Variants in RSPO2 observed in about 807,000 individuals in gnomAD.
RSPO2 encodes R-spondin 2.
Under a neutral mutation model 30.9 loss-of-function variants are expected in RSPO2, and 14 were observed. The ratio of observed to expected loss-of-function variants is 0.45; its 90% confidence interval spans 0.30 to 0.71. The LOEUF (loss-of-function observed/expected upper bound fraction) is 0.71. Ranked by LOEUF, RSPO2 falls within the 30% of genes least tolerant of loss-of-function variation. The pLI, the probability that RSPO2 is intolerant of heterozygous loss-of-function variation, is 0.08. For missense variants in RSPO2, 264 were observed against 301.9 expected (o/e 0.87, Z 0.93); for synonymous variants, 107 against 96.4 (o/e 1.11, Z -0.64).
chr8:107,939,588 G>A (rs554490905), intron 5 of RSPO2, among the ~76,000 whole-genome samples: 18 of 150,392 alleles, frequency 1.2e-4, no homozygotes, highest in Non-Finnish European at 2.2e-4. Context: ...AGCACAGCTC[G>A]AATTGCTGAG....
chr8:107,945,607 C>T (rs922322245), intron 5 of RSPO2, among the ~76,000 whole-genome samples: 3 of 152,134 alleles, frequency 2.0e-5, no homozygotes, highest in African/African-American at 7.2e-5. Flanking sequence ...GTAACACATG[C>T]ATTGTTTCAA....
chr8:107,924,227 A>C (rs191577383), intron 5 of RSPO2, among the ~76,000 whole-genome samples: 4 of 152,250 alleles, frequency 2.6e-5, no homozygotes, highest in African/African-American at 9.6e-5. Flanking sequence ...AATCGGCCAC[A>C]GAAATAAATT....
At chr8:107,937,432 C>T (rs1043554155) in intron 5 of RSPO2, among the ~76,000 whole-genome samples, 7 of 151,948 alleles carry the variant, frequency 4.6e-5, no homozygotes, top group Admixed American at 6.6e-5. Context: ...TTAAACCTCA[C>T]GAGCCTGCAA....
At chr8:108,000,718 A>G (rs1815213673) in intron 2 of RSPO2, among the ~76,000 whole-genome samples, 3 of 151,918 alleles carry the variant, frequency 2.0e-5, no homozygotes, top group East Asian at 3.9e-4. Flanking sequence ...TCTCCAGGGA[A>G]CTCCCGGGCA....
intron 2 of RSPO2, among the ~76,000 whole-genome samples, chr8:108,032,977 G>C (rs1362481189): frequency 1.4e-5 from 2 of 148,102 alleles, no homozygotes; most frequent in African/African-American, 2.5e-5. Context: ...ATGAACCCGG[G>C]AGGCGAAGCT....
intron 2 of RSPO2, among the ~76,000 whole-genome samples, chr8:108,034,566 A>G (rs992150031): frequency 1.1e-4 from 16 of 152,238 alleles, no homozygotes; most frequent in African/African-American, 3.4e-4. Context: ...AAAACATTGA[A>G]TCTGAGTTAT....
intron 2 of RSPO2, among the ~76,000 whole-genome samples, chr8:108,022,470 G>A (rs1811086517): frequency 6.6e-6 from 1 of 151,970 alleles, no homozygotes; most frequent in South Asian, 2.1e-4. Context: ...GTGTGTATAG[G>A]TATAAACACA....
chr8:107,961,648 C>T (rs1223520927), intron 3 of RSPO2, among the ~76,000 whole-genome samples: 1 of 152,158 alleles, frequency 6.6e-6, no homozygotes, highest in African/African-American at 2.4e-5. Flanking sequence ...AGCTCTGTAA[C>T]TTTAGACAAC....
chr8:108,025,201 G>C (rs937504482), intron 2 of RSPO2, among the ~76,000 whole-genome samples: 7 of 152,170 alleles, frequency 4.6e-5, no homozygotes, highest in Non-Finnish European at 1.0e-4. Context: ...CAACAGTAAT[G>C]AGCATATCCA....
rs1051790705 is a variant in RSPO2 at position 108,068,969 on chromosome 8, T to A, written c.94+13576A>T. Among the ~76,000 whole-genome samples the A allele has an allele frequency of 2.6e-5, 4 of 152,342 alleles. No homozygotes were observed. In the East Asian group the frequency reaches 5.8e-4, roughly 22 times the overall value. On this transcript the variant is annotated intron_variant, in intron 2 of 5. Transcript: ENST00000276659. ...GCAGTCCTAGGAAATTAATACTGTA[T>A]AATAATGTGTGCTGCCAATGCATTT... is the stretch of plus-strand genomic sequence containing the variant.
intron 5 of RSPO2, among the ~76,000 whole-genome samples, chr8:107,901,687 T>C (rs1453743218): frequency 6.6e-6 from 1 of 152,240 alleles, no homozygotes; most frequent in East Asian, 1.9e-4. Flanking sequence ...CAAATACCAA[T>C]GTATAAAATG....
rs1052966867 is a variant in RSPO2, at chr8:107,900,374, G to A, written c.*701C>T. On this transcript the variant is annotated 3_prime_UTR_variant, in exon 6 of 6. Coordinates refer to ENST00000276659, the MANE Select transcript of RSPO2 (RefSeq NM_178565.5). Reference sequence around the variant, plus strand: ...AAAGTTTCAAGAGGCAACAAAACAAGTGTCAATTCCCCAAACTAGAAAAGT... The same window carrying A: ...AAAGTTTCAAGAGGCAACAAAACAAATGTCAATTCCCCAAACTAGAAAAGT... 5 of 152,272 alleles carry A rather than the reference G, an allele frequency of 3.3e-5. No homozygotes were observed. The highest frequency in any genetic ancestry group is 4.4e-5 in the Non-Finnish European group (3 of 68,010). The allele number at this position is 152,272 out of a possible 1,614,324, so 9.4% of individuals were successfully genotyped here.
chr8:107,978,922 A>T (rs74974549), intron 3 of RSPO2, among the ~76,000 whole-genome samples: 53,814 of 151,776 alleles, frequency 0.35, 11,267 homozygotes, highest in East Asian at 0.65. Flanking sequence ...CAAAAAACAC[A>T]TGAAAAAATG....
intron 2 of RSPO2, among the ~76,000 whole-genome samples, chr8:108,002,425 G>T (rs1815281560): frequency 6.6e-6 from 1 of 152,188 alleles, no homozygotes; most frequent in Non-Finnish European, 1.5e-5. Flanking sequence ...GAAATGGAAT[G>T]TAAGTGCCAT....
chr8:107,953,852 G>A (rs1379171239), intron 5 of RSPO2, among the ~76,000 whole-genome samples: 2 of 152,130 alleles, frequency 1.3e-5, no homozygotes, highest in East Asian at 3.9e-4. Context: ...CTGATCAAAT[G>A]TAACTTCCTC....
At chr8:108,065,049 A>T (rs548823447) in intron 2 of RSPO2, among the ~76,000 whole-genome samples, 1 of 152,100 alleles carries the variant, frequency 6.6e-6, no homozygotes, top group Non-Finnish European at 1.5e-5. Flanking sequence ...GAGGGATAGC[A>T]TTAGGATATA....
chr8:107,973,495 C>T (rs1180192552), intron 3 of RSPO2, among the ~76,000 whole-genome samples: 1 of 149,212 alleles, frequency 6.7e-6, no homozygotes, highest in Non-Finnish European at 1.5e-5. Flanking sequence ...AGCTTGGGAA[C>T]TGAGTGATAC....
chr8:108,002,012 CA>C (rs557990662), intron 2 of RSPO2, among the ~76,000 whole-genome samples: 111 of 152,240 alleles, frequency 7.3e-4, no homozygotes, highest in African/African-American at 2.3e-3. Context: ...ATGTAACAAA[CA>C]TGCACATTCT....
In RSPO2 at chr8:107,899,801, TCTGAAAGTCAC is replaced by T. The variant is rs1454814632; in HGVS notation, c.*1263_*1273del. 1 of 152,202 alleles carries T rather than the reference TCTGAAAGTCAC, an allele frequency of 6.6e-6. No individual in the cohort carries two copies. Among genetic ancestry groups the T allele is most frequent in the Non-Finnish European group, 1.5e-5 (1 of 68,038 alleles). The allele number at this position is 152,202 out of a possible 1,614,324, so 9.4% of individuals were successfully genotyped here. ...ACAATGATGTGTTTGAAACAACTGC[TCTGAAAGTCAC>T]CTGGGAAGTTTCCATAGTGTTCCTC... On this transcript the variant is annotated 3_prime_UTR_variant, in exon 6 of 6. Transcript: ENST00000276659.
Sources: gnomAD v4.1 joint callset for allele counts (sites outside exome capture counted in the v4.1 genomes callset) on GRCh38, gnomAD v4.1.1 for gene constraint, MANE v1.5 for transcripts, NCBI Gene and HGNC (gene_info 2026-07-23, HGNC 2026-07-21) for gene names.